IFT140: variants seen among roughly 807,000 people sequenced by gnomAD.
IFT140 encodes the protein intraflagellar transport 140.
In IFT140, 133 loss-of-function variants were observed where a neutral mutation model predicts 164.6. The observed-to-expected ratio is 0.81, with a 90% confidence interval of 0.70 to 0.93. The LOEUF is 0.93. Ranked by LOEUF, IFT140 falls within the 40% of genes least tolerant of loss-of-function variation. The pLI, the probability that IFT140 is intolerant of heterozygous loss-of-function variation, is 0.00. For missense variants in IFT140, 2,045 were observed against 1,972.3 expected (o/e 1.04, Z -0.70); for synonymous variants, 860 against 817.3 (o/e 1.05, Z -0.89).
rs1286230238 is a variant in IFT140 at position 1,584,425 on chromosome 16, A to G, written c.1156-5T>C. On this transcript the variant is annotated splice_region_variant and splice_polypyrimidine_tract_variant and intron_variant, in intron 10 of 30. Coordinates refer to ENST00000426508, the MANE Select transcript of IFT140 (RefSeq NM_014714.4). ...CAGGTTCTTCCTGGAACCCCACTTC[A>G]TTTCCAGGTTGCAAGAGAAAGAACC... The G allele has an allele frequency of 5.0e-6, 8 of 1,597,900 alleles. No individual in the cohort carries two copies. The highest frequency in any genetic ancestry group is 6.8e-6 in the Non-Finnish European group (8 of 1,173,352).
rs1300599525 is a variant in IFT140, at chr16:1,553,633, T to C, written c.2399+4302A>G. The C allele has an allele frequency of 8.5e-6, 9 of 1,058,072 alleles. No homozygotes were observed. The highest frequency in any genetic ancestry group is 1.0e-5 in the Non-Finnish European group (9 of 871,172). 65.5% of individuals were successfully genotyped at this position (1,058,072 alleles called of 1,614,324 possible). A position where few individuals can be genotyped will look rare whatever the true frequency, so the allele number is the denominator to read the frequency against. ...CAAGAAACAGACTCACTCAGGTTAC[T>C]GTAACAGAGAGGGAGGGGTGCTGGG... On this transcript the variant is annotated intron_variant, in intron 19 of 30. Coordinates refer to ENST00000426508, the MANE Select transcript of IFT140 (RefSeq NM_014714.4). This position sits in a 1 kb window ranked among gnomAD's most constrained non-coding sequence, Gnocchi z 4.4.
chr16:1,569,864 C>A (rs2033929876), intron 14 of IFT140, among the ~76,000 whole-genome samples: 1 of 150,286 alleles, frequency 6.7e-6, no homozygotes, highest in Non-Finnish European at 1.5e-5. Context: ...CTGGGACTTG[C>A]AGGATGAAAT....
chr16:1,526,462 C>T, intron 20 of IFT140, 157 bp downstream of exon 20: 1 of 829,480 alleles, frequency 1.2e-6, no homozygotes, highest in East Asian at 2.8e-5. Context: ...CTCACCTCCA[C>T]CGCCGCTGTC....
Position 1,528,559 on chromosome 16 carries a change from G to A in IFT140, c.2400-1763C>T, listed in dbSNP as rs183792087. 716 of 153,354 alleles carry A rather than the reference G, an allele frequency of 4.7e-3. 5 individuals are homozygous for A. Among genetic ancestry groups the A allele is most frequent in the Middle Eastern group, 9.8e-3 (18 of 1,842 alleles). 9.5% of individuals were successfully genotyped at this position (153,354 alleles called of 1,614,324 possible). A position where few individuals can be genotyped will look rare whatever the true frequency, so the allele number is the denominator to read the frequency against. On this transcript the variant is annotated intron_variant, in intron 19 of 30. Coordinates refer to ENST00000426508, the MANE Select transcript of IFT140 (RefSeq NM_014714.4). ...CACATGCACGCACATGCACACACACGCACACACATGCACGCACGTACTCCC... is the reference window on the plus strand; with the variant it reads ...CACATGCACGCACATGCACACACACACACACACATGCACGCACGTACTCCC...
In IFT140 at chr16:1,510,608, T is replaced by C; in HGVS notation, c.*336A>G. The C allele has an allele frequency of 2.5e-6, 1 of 395,332 alleles. No homozygotes were observed. Among genetic ancestry groups the C allele is most frequent in the Non-Finnish European group, 4.6e-6 (1 of 217,344 alleles). 24.5% of individuals were successfully genotyped at this position (395,332 alleles called of 1,614,324 possible). A position where few individuals can be genotyped will look rare whatever the true frequency, so the allele number is the denominator to read the frequency against. On this transcript the variant is annotated 3_prime_UTR_variant, in exon 31 of 31. Coordinates refer to ENST00000426508, the MANE Select transcript of IFT140 (RefSeq NM_014714.4). ...AGCAGGGGGGCAGGTGCCCCAGCCC[T>C]CCAGCTGCAGCTTCCTGAGGTTCTA...
rs1008601044 is a variant in IFT140, at chr16:1,553,788, C to T, written c.2399+4147G>A. 2.3e-5 allele frequency: 27 copies of T among 1,195,874 alleles called. No individual in the cohort carries two copies. Among genetic ancestry groups the T allele is most frequent in the South Asian group, 4.7e-5 (3 of 64,480 alleles). The allele number at this position is 1,195,874 out of a possible 1,614,324, so 74.1% of individuals were successfully genotyped here. A position where few individuals can be genotyped will look rare whatever the true frequency, so the allele number is the denominator to read the frequency against. ...GCCATGTGGACAGCCTCTCCTCCAT[C>T]CTAGAGCCTATGTTTCCAGCTGGAT... On this transcript the variant is annotated intron_variant, in intron 19 of 30. Coordinates refer to ENST00000426508, the MANE Select transcript of IFT140 (RefSeq NM_014714.4). The surrounding 1 kb of genome is among the most constrained non-coding windows in gnomAD (Gnocchi z 4.4).
chr16:1,565,519 A>G (rs1167459749), intron 16 of IFT140, among the ~76,000 whole-genome samples: 22 of 152,012 alleles, frequency 1.4e-4, no homozygotes, highest in Admixed American at 2.6e-4. Flanking sequence ...GGAAAAAAAA[A>G]GAGAGAAAAC....
chr16:1,520,897 G>C, intron 26 of IFT140, 89 bp from the exon 27 acceptor site: 1 of 1,264,584 alleles, frequency 7.9e-7, no homozygotes, highest in South Asian at 1.4e-5. Context: ...GAGGAAACCA[G>C]GCCCCTCGGC....
intron 19 of IFT140, chr16:1,541,998 G>C (rs1232149786): frequency 6.2e-7 from 1 of 1,611,248 alleles, no homozygotes; most frequent in Non-Finnish European, 8.5e-7. Context: ...CTTCCTCCTG[G>C]GGCTGGTGGG....
intron 9 of IFT140, among the ~76,000 whole-genome samples, 194 bp from the exon 10 acceptor site, chr16:1,586,469 T>C (rs903477781): frequency 2.0e-5 from 3 of 149,104 alleles, no homozygotes; most frequent in African/African-American, 7.5e-5. Context: ...GCGGGGGTGG[T>C]GGGGGATGCT....
Position 1,511,103 on chromosome 16 carries a change from G to A in IFT140, c.4230C>T (p.Asn1410=), listed in dbSNP as rs758112795. The A allele has an allele frequency of 6.2e-7, 1 of 1,610,654 alleles. No homozygotes were observed. Among genetic ancestry groups the A allele is most frequent in the Non-Finnish European group, 8.5e-7 (1 of 1,179,178 alleles). ...CCTGCGGGCTCACGTAGTAGGACAT[G>A]TTGGCCAAGGGAAGCCGCCGCCGCA... ...EEMRRRLPLA[N]MSYYVSPQAV... is the part of the protein sequence containing the mutation. Residue 1410 remains asparagine (N), a synonymous_variant, in exon 31 of 31, where the codon AAC becomes AAT. Coordinates refer to ENST00000426508, the MANE Select transcript of IFT140 (RefSeq NM_014714.4).
At chr16:1,600,086 CTT>C (rs2035712442) in intron 4 of IFT140, among the ~76,000 whole-genome samples, 1 of 147,806 alleles carries the variant, frequency 6.8e-6, no homozygotes, top group Admixed American at 6.7e-5. Flanking sequence ...ACATGGGAGA[CTT>C]TTCATTTTGT....
At chr16:1,607,749 T>C (rs2142107597) in intron 2 of IFT140, among the ~76,000 whole-genome samples, 1 of 152,296 alleles carries the variant, frequency 6.6e-6, no homozygotes, top group East Asian at 1.9e-4. Flanking sequence ...GCTCAAGTGA[T>C]CCTCCCACCT....
In IFT140 at chr16:1,535,625, C is replaced by T. The variant is rs148332051; in HGVS notation, c.2400-8829G>A. On this transcript the variant is annotated intron_variant, in intron 19 of 30. Transcript: ENST00000426508. The stretch of plus-strand genomic sequence containing the variant: ...CCACACAGCTCCATCCCCAACCTGC[C>T]GCGCTCAGAACCCTCAGCGGGGAAT... Among the ~76,000 whole-genome samples, 14 of 152,306 alleles carry T rather than the reference C, an allele frequency of 9.2e-5. No homozygotes were observed. In the East Asian group the frequency reaches 2.5e-3, roughly 27 times the overall value.
chr16:1,583,908 C>G (rs2034719678), intron 11 of IFT140, among the ~76,000 whole-genome samples: 1 of 152,150 alleles, frequency 6.6e-6, no homozygotes, highest in Non-Finnish European at 1.5e-5. Flanking sequence ...CGACGCCTGG[C>G]TAATTTTTGT....
intron 19 of IFT140, among the ~76,000 whole-genome samples, chr16:1,529,851 G>A (rs553869676): frequency 5.8e-4 from 88 of 152,320 alleles, no homozygotes; most frequent in African/African-American, 2.0e-3. Context: ...ACGCTGCTGG[G>A]CCTCATCCGT....
At position 1,557,974 on chromosome 16, in the gene IFT140, T is replaced by C. The variant is rs144938800; in HGVS notation, c.2360A>G (p.Asp787Gly). The change falls in exon 19 of 31, where the codon GAC becomes GGC. Residue 787 changes from aspartate (D) to glycine (G), a missense_variant. Coordinates refer to ENST00000426508, the MANE Select transcript of IFT140 (RefSeq NM_014714.4). ...LHFSFFVTIGDMDEAFKSIKL... is the reference protein window; with the variant it reads ...LHFSFFVTIGGMDEAFKSIKL... ...GATGGATTTGAAGGCTTCGTCCATG[T>C]CTCCTATGGTGACAAAGAAGCTGAA... 286 of 1,613,912 alleles carry C rather than the reference T, an allele frequency of 1.8e-4. No individual in the cohort carries two copies. The highest frequency in any genetic ancestry group is 1.5e-3 in the Admixed American group (92 of 60,024).
intron 4 of IFT140, among the ~76,000 whole-genome samples, chr16:1,601,924 C>T (rs1310349981): frequency 6.6e-6 from 1 of 152,234 alleles, no homozygotes; most frequent in Non-Finnish European, 1.5e-5. Flanking sequence ...TGTCGCTATG[C>T]TGTGGGTCTG....
chr16:1,565,285 G>A (rs2033649555), intron 16 of IFT140, among the ~76,000 whole-genome samples: 1 of 152,220 alleles, frequency 6.6e-6, no homozygotes, highest in Non-Finnish European at 1.5e-5. Context: ...ACTTGGCCAA[G>A]TCAGGCATCA....
Sources: allele counts gnomAD v4.1 joint callset (sites outside exome capture counted in the v4.1 genomes callset), GRCh38; gene constraint gnomAD v4.1.1; non-coding constraint Gnocchi (gnomAD v3.1); transcripts MANE v1.5; gene names NCBI Gene and HGNC (gene_info 2026-07-23, HGNC 2026-07-21).